POMT2: variants seen among roughly 807,000 people sequenced by gnomAD.
POMT2 encodes the protein protein O-mannosyltransferase 2.
In POMT2, 75 loss-of-function variants were observed where a neutral mutation model predicts 100.0. The observed-to-expected ratio is 0.75, with a 90% confidence interval of 0.62 to 0.91. The LOEUF (loss-of-function observed/expected upper bound fraction) is 0.91. Ranked by LOEUF, POMT2 falls within the 40% of genes least tolerant of loss-of-function variation. The probability of loss-of-function intolerance (pLI) is 0.00; values close to 1 mark genes in which losing one functional copy is unlikely to be tolerated. For missense variants in POMT2, 940 were observed against 955.1 expected, an observed-to-expected ratio of 0.98 and a Z score of 0.21; for synonymous variants, 378 against 374.1, an observed-to-expected ratio of 1.01 and a Z score of -0.12.
At chr14:77,299,408 G>T in intron 7 of POMT2, 47 bp downstream of exon 7, 2 of 1,552,466 alleles carry the variant, frequency 1.3e-6, no homozygotes, top group Non-Finnish European at 1.8e-6. Flanking sequence ...AGGCTTAGGA[G>T]CAAAAGGAAA....
rs376936628 is a variant in POMT2 at position 77,276,752 on chromosome 14, G to A, written c.*624C>T. 5 of 152,776 alleles carry A rather than the reference G, an allele frequency of 3.3e-5. No individual in the cohort carries two copies. The highest frequency in any genetic ancestry group is 1.2e-4 in the African/African-American group (5 of 41,454). 9.5% of individuals were successfully genotyped at this position (152,776 alleles called of 1,614,324 possible). A position where few individuals can be genotyped will look rare whatever the true frequency, so the allele number is the denominator to read the frequency against. ...CTGCAGCCACTGGGGGGCATGGTGG[G>A]AGCCAGGCCCTCCAGCTCGGGGCGG... On this transcript the variant is annotated 3_prime_UTR_variant, in exon 21 of 21. Coordinates refer to ENST00000261534, the MANE Select transcript of POMT2 (RefSeq NM_013382.7).
At chr14:77,303,070 G>A in intron 4 of POMT2, 127 bp from the exon 5 acceptor site, 1 of 753,356 alleles carries the variant, frequency 1.3e-6, no homozygotes, top group South Asian at 1.5e-5. Context: ...GTGCAGTCAG[G>A]ACTAGAGTCA....
chr14:77,295,786 T>G (rs1054593036), intron 9 of POMT2, among the ~76,000 whole-genome samples: 7 of 151,888 alleles, frequency 4.6e-5, no homozygotes, highest in African/African-American at 1.7e-4. Flanking sequence ...TCATCACCCA[T>G]CCCATAGCAG....
rs1322842516 is a variant in POMT2 at position 77,299,374 on chromosome 14, C to A, written c.923+81G>T. The A allele has an allele frequency of 4.0e-6, 5 of 1,261,970 alleles. No individual in the cohort carries two copies. The East Asian group carries it at 1.2e-4, about 29-fold the overall frequency. The allele number at this position is 1,261,970 out of a possible 1,614,324, so 78.2% of individuals were successfully genotyped here. On this transcript the variant is annotated intron_variant, in intron 7 of 20. Coordinates refer to ENST00000261534, the MANE Select transcript of POMT2 (RefSeq NM_013382.7). ...TCACCTATCATTTTAACCACAGACCCAGAAAATCATCCGACCCCTCCACAG... is the reference window on the plus strand; with the variant it reads ...TCACCTATCATTTTAACCACAGACCAAGAAAATCATCCGACCCCTCCACAG...
At position 77,276,213 on chromosome 14, in the gene POMT2, T is replaced by G. The variant is rs1889943411; in HGVS notation, c.*1163A>C. On this transcript the variant is annotated 3_prime_UTR_variant, in exon 21 of 21. Coordinates refer to ENST00000261534, the MANE Select transcript of POMT2 (RefSeq NM_013382.7). ...GAAGTGGAAGGGGCAGCTCTGAGCT[T>G]CTTGTTTGAGCTGCAGAGTGGTAGA... The G allele has an allele frequency of 6.6e-6, 1 of 152,614 alleles. No individual in the cohort carries two copies. Among genetic ancestry groups the G allele is most frequent in the African/African-American group, 2.4e-5 (1 of 41,438 alleles). The allele number at this position is 152,614 out of a possible 1,614,324, so 9.5% of individuals were successfully genotyped here. A position where few individuals can be genotyped will look rare whatever the true frequency, so the allele number is the denominator to read the frequency against.
At chr14:77,303,836 T>C (rs1891138056) in intron 4 of POMT2, among the ~76,000 whole-genome samples, 1 of 152,248 alleles carries the variant, frequency 6.6e-6, no homozygotes, top group East Asian at 1.9e-4. Flanking sequence ...CTTGTTTATT[T>C]ACTGTCTGCC....
At position 77,296,250 on chromosome 14, in the gene POMT2, T is replaced by G. The variant is rs1285454398; in HGVS notation, c.1030A>C (p.Thr344Pro). ...PEHLAYGSVI[T>P]VKNLRMAIGY... ...ATGGCCATCCGGAGGTTCTTCACAG[T>G]GATCACAGAGCCGTAGGCCAGGTCT... is the stretch of plus-strand genomic sequence containing the variant. The change falls in exon 9 of 21, where the codon ACT becomes CCT. Residue 344 changes from threonine (T) to proline (P), a missense_variant. Transcript: ENST00000261534. 1 of 1,606,092 alleles carries G rather than the reference T, an allele frequency of 6.2e-7. No individual in the cohort carries two copies. Among genetic ancestry groups the G allele is most frequent in the Non-Finnish European group, 8.5e-7 (1 of 1,176,880 alleles).
At chr14:77,315,281 T>G (rs1891584632) in intron 1 of POMT2, among the ~76,000 whole-genome samples, 1 of 152,166 alleles carries the variant, frequency 6.6e-6, no homozygotes, top group Non-Finnish European at 1.5e-5. Flanking sequence ...GAGGTCGTGA[T>G]GCAAGCCTAG....
chr14:77,276,527 C>T lies in POMT2; in HGVS notation c.*849G>A, dbSNP rs1889960726. 1 of 152,416 alleles carries T rather than the reference C, an allele frequency of 6.6e-6. No individual in the cohort carries two copies. The highest frequency in any genetic ancestry group is 1.5e-5 in the Non-Finnish European group (1 of 68,122). 9.4% of individuals were successfully genotyped at this position (152,416 alleles called of 1,614,324 possible). A position where few individuals can be genotyped will look rare whatever the true frequency, so the allele number is the denominator to read the frequency against. On this transcript the variant is annotated 3_prime_UTR_variant, in exon 21 of 21. Transcript: ENST00000261534. ...AGGAGAATGCATCTGCCTTGCCCTC[C>T]AGGCCAGGCTAGATGCACTTGGAGA...
chr14:77,303,614 T>C (rs1891130077), intron 4 of POMT2, among the ~76,000 whole-genome samples: 2 of 152,192 alleles, frequency 1.3e-5, no homozygotes, highest in South Asian at 4.1e-4. Flanking sequence ...GTACATGCAC[T>C]TCCCTCTGCC....
At chr14:77,311,769 G>C (rs1365253738) in intron 2 of POMT2, among the ~76,000 whole-genome samples, 180 bp downstream of exon 2, 1 of 152,076 alleles carries the variant, frequency 6.6e-6, no homozygotes, top group African/African-American at 2.4e-5. Flanking sequence ...TCTGAGCCCA[G>C]AGGACCCTTA....
chr14:77,311,109 G>A (rs547311476), intron 2 of POMT2, among the ~76,000 whole-genome samples: 1 of 152,286 alleles, frequency 6.6e-6, no homozygotes, highest in African/African-American at 2.4e-5. Flanking sequence ...GTCCAGCCTG[G>A]GTGGCAAGAG....
At chr14:77,298,664 T>C in intron 8 of POMT2, 25 bp downstream of exon 8, 1 of 1,612,932 alleles carries the variant, frequency 6.2e-7, no homozygotes, top group Non-Finnish European at 8.5e-7. Context: ...GCCTTCTACC[T>C]TTGTAATGGC....
intron 6 of POMT2, chr14:77,300,650 T>C (rs1288305711): frequency 1.4e-5 from 3 of 218,418 alleles, no homozygotes; most frequent in Non-Finnish European, 2.8e-5. Context: ...TAGAACCGCA[T>C]CTCTACTAAA....
intron 6 of POMT2, chr14:77,300,717 G>T (rs1891000464): frequency 7.1e-6 from 2 of 281,958 alleles, no homozygotes; most frequent in Non-Finnish European, 1.4e-5. Context: ...CTACTTGGGA[G>T]GCTGAGGCAA....
intron 1 of POMT2, among the ~76,000 whole-genome samples, chr14:77,312,905 T>C (rs955893877): frequency 1.3e-5 from 2 of 152,224 alleles, no homozygotes; most frequent in African/African-American, 4.8e-5. Context: ...CTAACTAGTA[T>C]ATAAAAGTTG....
At chr14:77,305,716 G>A (rs960997125) in intron 3 of POMT2, among the ~76,000 whole-genome samples, 1 of 152,224 alleles carries the variant, frequency 6.6e-6, no homozygotes, top group African/African-American at 2.4e-5. Flanking sequence ...TCAGCCACAC[G>A]TTCAAGGTTC....
chr14:77,313,356 A>G (rs1433073927), intron 1 of POMT2, among the ~76,000 whole-genome samples: 1 of 152,280 alleles, frequency 6.6e-6, no homozygotes, highest in East Asian at 1.9e-4. Flanking sequence ...GGTGAGGTCG[A>G]AGACAGAAAT....
At chr14:77,298,585 A>G in intron 8 of POMT2, 104 bp downstream of exon 8, 2 of 1,251,964 alleles carry the variant, frequency 1.6e-6, no homozygotes, top group Admixed American at 3.9e-5. Context: ...CCACCGTGCC[A>G]TCACAGGCTA....
Sources: allele counts gnomAD v4.1 joint callset (sites outside exome capture counted in the v4.1 genomes callset), GRCh38; gene constraint gnomAD v4.1.1; transcripts MANE v1.5; gene names NCBI Gene and HGNC (gene_info 2026-07-23, HGNC 2026-07-21).